GPR152: variants seen among roughly 807,000 people sequenced by gnomAD.
GPR152 encodes G protein-coupled receptor 152.
For missense variants in GPR152, 549 were observed against 617.2 expected, an observed-to-expected ratio of 0.89 and a Z score of 1.17; for synonymous variants, 278 against 289.0, an observed-to-expected ratio of 0.96 and a Z score of 0.39.
chr11:67,451,936 G>A lies in GPR152; in HGVS notation c.789C>T (p.Phe263=). Reference sequence around the variant, plus strand: ...GGTAGCCAGAGTAGACGTCCCACAGGAAGGCCAGGTAGAGCAGCTGGGCCA... The same window carrying A: ...GGTAGCCAGAGTAGACGTCCCACAGAAAGGCCAGGTAGAGCAGCTGGGCCA... ...YQLAQLLYLA[F]LWDVYSGYLL... Residue 263 remains phenylalanine, a synonymous_variant, in exon 1 of 1, where the codon TTC becomes TTT. Coordinates refer to ENST00000312457, the MANE Select transcript of GPR152 (RefSeq NM_206997.1). 2 of 1,610,412 alleles carry A rather than the reference G, an allele frequency of 1.2e-6. No individual in the cohort carries two copies. Among genetic ancestry groups the A allele is most frequent in the Non-Finnish European group, 1.7e-6 (2 of 1,180,006 alleles).
In GPR152 at chr11:67,452,217, G is replaced by C; in HGVS notation, c.508C>G (p.Pro170Ala). The C allele has an allele frequency of 1.2e-6, 2 of 1,608,672 alleles. No individual in the cohort carries two copies. Among genetic ancestry groups the C allele is most frequent in the Non-Finnish European group, 1.7e-6 (2 of 1,179,930 alleles). The change falls in exon 1 of 1, where the codon CCC becomes GCC. Residue 170 changes from proline (P) to alanine (A), a missense_variant. Physicochemically the swap from Pro to Ala is conservative, Grantham distance 27 (BLOSUM62 -1). Coordinates refer to ENST00000312457, the MANE Select transcript of GPR152 (RefSeq NM_206997.1). ...TCGTACCACCAGACGGCAGCCTCGG[G>C]GAAGACCAGCCAGGGCACGCTGAAG... ...TLFSVPWLVFPEAAVWWYDLV... is the reference protein window; with the variant it reads ...TLFSVPWLVFAEAAVWWYDLV...
rs1232779973 is a variant in GPR152 at position 67,452,150 on chromosome 11, G to A, written c.575C>T (p.Ser192Leu). 6 of 1,610,466 alleles carry A rather than the reference G, an allele frequency of 3.7e-6. No individual in the cohort carries two copies. Among genetic ancestry groups the A allele is most frequent in the African/African-American group, 2.7e-5 (2 of 74,926 alleles). ...CLDFWDSEELSLRMLEVLGGF... is the reference protein window; with the variant it reads ...CLDFWDSEELLLRMLEVLGGF... ...CCCCAGGACCTCCAGCATCCTCAGC[G>A]ACAGCTCCTCGCTGTCCCAGAAGTC... The change falls in exon 1 of 1, where the codon TCG becomes TTG. Residue 192 changes from serine to leucine, a missense_variant. Transcript: ENST00000312457.
rs765881512 is a variant in GPR152, at chr11:67,451,876, C to G, written c.849G>C (p.Leu283=). 23 of 1,612,582 alleles carry G rather than the reference C, an allele frequency of 1.4e-5. No individual in the cohort carries two copies. The highest frequency in any genetic ancestry group is 1.2e-4 in the Admixed American group (7 of 60,010). Residue 283 remains leucine (L), a synonymous_variant, in exon 1 of 1, where the codon CTG becomes CTC. Transcript: ENST00000312457. ...GGCTGAGGCAGCTGTTGAGTAGGAT[C>G]AGGTAGTCGGAGTAGACCAGGGCCT... ...LWEALVYSDY[L]ILLNSCLSPF... is the part of the protein sequence containing the mutation.
In GPR152 at chr11:67,452,508, G is replaced by A. The variant is rs776802443; in HGVS notation, c.217C>T (p.Leu73=). 2 of 1,610,074 alleles carry A rather than the reference G, an allele frequency of 1.2e-6. No homozygotes were observed. The highest frequency in any genetic ancestry group is 8.5e-7 in the Non-Finnish European group (1 of 1,178,644). ...GTRLALLLLS[L]ALSDFLFLAA... ...AGGAACAAGAAGTCAGAGAGGGCCA[G>A]GCTGAGCAGGAGCAGCGCCAGACGC... Residue 73 remains leucine, a synonymous_variant, in exon 1 of 1, where the codon CTG becomes TTG. Transcript: ENST00000312457.
Position 67,452,319 on chromosome 11 carries a change from G to A in GPR152, c.406C>T (p.Pro136Ser). The A allele has an allele frequency of 1.9e-6, 3 of 1,610,706 alleles. No homozygotes were observed. The highest frequency in any genetic ancestry group is 2.5e-6 in the Non-Finnish European group (3 of 1,179,650). ...GGGCGGTGCCCAGGGTACCAGTGTG[G>A]GCACAGCGCCAGCAGGCAGCGGTCG... ...SLDRCLLALC[P>S]HWYPGHRPVR... Residue 136 changes from proline to serine, a missense_variant, in exon 1 of 1, where the codon CCA (proline) becomes TCA (serine). Transcript: ENST00000312457.
At position 67,452,004 on chromosome 11, in the gene GPR152, TC is replaced by T. The variant is rs1565157397; in HGVS notation, c.720del (p.Thr241ProfsTer9). 1 of 1,611,880 alleles carries T rather than the reference TC, an allele frequency of 6.2e-7. No individual in the cohort carries two copies. The highest frequency in any genetic ancestry group is 1.1e-5 in the South Asian group (1 of 91,086). On this transcript the variant is annotated frameshift_variant, in exon 1 of 1. Coordinates refer to ENST00000312457, the MANE Select transcript of GPR152 (RefSeq NM_206997.1). LOFTEE classifies it low-confidence loss of function (END_TRUNC). ...AACRGFARVA[R>X]TILSAYVVLR... is the part of the protein sequence containing the mutation. ...AGGACCACATAGGCTGACAGAATGG[TC>T]CTGGCCACACGGGCGAAGCCCCGGC... is the stretch of plus-strand genomic sequence containing the variant.
chr11:67,452,314 G>A lies in GPR152; in HGVS notation c.411C>T (p.His137=), dbSNP rs770786693. Reference sequence around the variant, plus strand: ...GGACTGGGCGGTGCCCAGGGTACCAGTGTGGGCACAGCGCCAGCAGGCAGC... The same window carrying A: ...GGACTGGGCGGTGCCCAGGGTACCAATGTGGGCACAGCGCCAGCAGGCAGC... The part of the protein sequence containing the change: ...LDRCLLALCP[H]WYPGHRPVRL... The change falls in exon 1 of 1, where the codon CAC becomes CAT. Residue 137 remains histidine, a synonymous_variant. Transcript: ENST00000312457. The A allele has an allele frequency of 1.8e-5, 29 of 1,610,698 alleles. No individual in the cohort carries two copies. The highest frequency in any genetic ancestry group is 3.3e-5 in the Admixed American group (2 of 59,928).
In GPR152 at chr11:67,452,229, A is replaced by G; in HGVS notation, c.496T>C (p.Trp166Arg). The G allele has an allele frequency of 6.2e-7, 1 of 1,609,230 alleles. No individual in the cohort carries two copies. Among genetic ancestry groups the G allele is most frequent in the Non-Finnish European group, 8.5e-7 (1 of 1,179,928 alleles). Residue 166 changes from tryptophan (W) to arginine (R), a missense_variant, in exon 1 of 1, where the codon TGG becomes CGG. Physicochemically the swap from Trp to Arg is moderately radical, Grantham distance 101. Transcript: ENST00000312457. ...WVLATLFSVP[W>R]LVFPEAAVWW... is the part of the protein sequence containing the mutation. ...ACGGCAGCCTCGGGGAAGACCAGCC[A>G]GGGCACGCTGAAGAGTGTGGCCAGC...
In GPR152 at chr11:67,451,745, G is replaced by C. The variant is rs1378479975; in HGVS notation, c.980C>G (p.Pro327Arg). Reference sequence around the variant, plus strand: ...ATCTAGCTGGGTCTGTGGCTCAGTGGGCGTGAAGCTGCCCGGCCGCTCCTC... The same window carrying C: ...ATCTAGCTGGGTCTGTGGCTCAGTGCGCGTGAAGCTGCCCGGCCGCTCCTC... ...LCEERPGSFT[P>R]TEPQTQLDSE... Residue 327 changes from proline (P) to arginine (R), a missense_variant, in exon 1 of 1, where the codon CCC becomes CGC. Pro to Arg is a moderately radical substitution (Grantham distance 103, BLOSUM62 -2). Coordinates refer to ENST00000312457, the MANE Select transcript of GPR152 (RefSeq NM_206997.1). The C allele has an allele frequency of 6.2e-7, 1 of 1,613,570 alleles. No individual in the cohort carries two copies. Among genetic ancestry groups the C allele is most frequent in the South Asian group, 1.1e-5 (1 of 91,086 alleles).
rs972381021 is a variant in GPR152, at chr11:67,452,037, C to T, written c.688G>A (p.Ala230Thr). ...ACACGGGCGAAGCCCCGGCAGGCTG[C>T]GGGCTGCTGTTGGCGGTGGCAGGTG... ...CRTCHRQQQP[A>T]ACRGFARVAR... is the part of the protein sequence containing the mutation. Residue 230 changes from alanine (A) to threonine (T), a missense_variant, in exon 1 of 1, where the codon GCA (alanine) becomes ACA (threonine). Ala to Thr is a moderately conservative substitution (Grantham distance 58). Coordinates refer to ENST00000312457, the MANE Select transcript of GPR152 (RefSeq NM_206997.1). The T allele has an allele frequency of 1.3e-5, 21 of 1,612,160 alleles. No homozygotes were observed. The highest frequency in any genetic ancestry group is 1.1e-4 in the East Asian group (5 of 44,894).
At position 67,452,054 on chromosome 11, in the gene GPR152, T is replaced by A. The variant is rs376957888; in HGVS notation, c.671A>T (p.His224Leu). 6.2e-6 allele frequency: 10 copies of A among 1,612,134 alleles called. No individual in the cohort carries two copies. The highest frequency in any genetic ancestry group is 8.5e-6 in the Non-Finnish European group (10 of 1,179,804). Residue 224 changes from histidine (H) to leucine (L), a missense_variant, in exon 1 of 1, where the codon CAC (histidine) becomes CTC (leucine). Coordinates refer to ENST00000312457, the MANE Select transcript of GPR152 (RefSeq NM_206997.1). ...LTQATACRTCHRQQQPAACRG... is the reference protein window; with the variant it reads ...LTQATACRTCLRQQQPAACRG... ...GCAGGCTGCGGGCTGCTGTTGGCGG[T>A]GGCAGGTGCGACAGGCTGTGGCCTG... is the stretch of plus-strand genomic sequence containing the variant.
rs1416150761 is a variant in GPR152, at chr11:67,452,069, GC to G, written c.655del (p.Ala219ProfsTer31). ...CTGTTGGCGGTGGCAGGTGCGACAG[GC>G]TGTGGCCTGGGTGAGCACGTGGCAG... is the stretch of plus-strand genomic sequence containing the variant. ...LVCHVLTQAT[A>X]CRTCHRQQQP... On this transcript the variant is annotated frameshift_variant, in exon 1 of 1. Coordinates refer to ENST00000312457, the MANE Select transcript of GPR152 (RefSeq NM_206997.1). LOFTEE classifies it low-confidence loss of function (END_TRUNC). 1.2e-6 allele frequency: 2 copies of G among 1,612,202 alleles called. No homozygotes were observed. The highest frequency in any genetic ancestry group is 2.7e-5 in the African/African-American group (2 of 74,924).
Position 67,451,404 on chromosome 11 carries a change from C to T in GPR152, c.1321G>A (p.Ala441Thr), listed in dbSNP as rs142993445. The T allele has an allele frequency of 1.4e-5, 23 of 1,613,204 alleles. No individual in the cohort carries two copies. The African/African-American group carries it at 2.3e-4, about 16-fold the overall frequency. ...GGAGGTGTGGCTGGGTCCTCAAGGG[C>T]CCCTGGGGTAGGATGCGAGGATGGG... ...PTPSSHPTPGALEDPATPPAS... is the reference protein window; with the variant it reads ...PTPSSHPTPGTLEDPATPPAS... Residue 441 changes from alanine (A) to threonine (T), a missense_variant, in exon 1 of 1, where the codon GCC (alanine) becomes ACC (threonine). Coordinates refer to ENST00000312457, the MANE Select transcript of GPR152 (RefSeq NM_206997.1).
At position 67,452,269 on chromosome 11, in the gene GPR152, G is replaced by A. The variant is rs757544766; in HGVS notation, c.456C>T (p.Cys152=). Reference sequence around the variant, plus strand: ...GTGTGGCCAGCACCCAGACACCGGCGCAGACCCAGAGGGGCAGGCGGACTG... The same window carrying A: ...GTGTGGCCAGCACCCAGACACCGGCACAGACCCAGAGGGGCAGGCGGACTG... ...HRPVRLPLWV[C]AGVWVLATLF... The change falls in exon 1 of 1, where the codon TGC becomes TGT. Residue 152 remains cysteine (C), a synonymous_variant. Coordinates refer to ENST00000312457, the MANE Select transcript of GPR152 (RefSeq NM_206997.1). 1.4e-5 allele frequency: 22 copies of A among 1,610,840 alleles called. No individual in the cohort carries two copies. The highest frequency in any genetic ancestry group is 3.3e-4 in the Middle Eastern group (2 of 6,084).
chr11:67,451,491 C>G lies in GPR152; in HGVS notation c.1234G>C (p.Val412Leu). The change falls in exon 1 of 1, where the codon GTC (valine) becomes CTC (leucine). Residue 412 changes from valine (V) to leucine (L), a missense_variant. Val to Leu is a conservative substitution (Grantham distance 32). Coordinates refer to ENST00000312457, the MANE Select transcript of GPR152 (RefSeq NM_206997.1). ...SVAQPQADTN[V>L]QTPAPAASSV... ...CTGGCAGCAGGTGCAGGGGTCTGGA[C>G]GTTAGTGTCTGCCTGTGGCTGGGCC... 6.2e-7 allele frequency: 1 copy of G among 1,614,158 alleles called. No individual in the cohort carries two copies. Among genetic ancestry groups the G allele is most frequent in the Non-Finnish European group, 8.5e-7 (1 of 1,180,028 alleles).
At position 67,452,569 on chromosome 11, in the gene GPR152, C is replaced by CCACG. The variant is rs1375767973; in HGVS notation, c.152_155dup (p.Trp52CysfsTer27). The stretch of plus-strand genomic sequence containing the variant: ...CATGCCGGGCCTGGGAGCCGGCCAG[C>CCACG]CACGCCATCAACCCATTGGCTGGCA... On this transcript the variant is annotated frameshift_variant, in exon 1 of 1. Coordinates refer to ENST00000312457, the MANE Select transcript of GPR152 (RefSeq NM_206997.1). LOFTEE classifies it low-confidence loss of function (END_TRUNC). 1 of 1,609,296 alleles carries CCACG rather than the reference C, an allele frequency of 6.2e-7. No homozygotes were observed. The highest frequency in any genetic ancestry group is 8.5e-7 in the Non-Finnish European group (1 of 1,178,152).
In GPR152 at chr11:67,451,861, G is replaced by A. The variant is rs1327165126; in HGVS notation, c.864C>T (p.Ser288=). ...VYSDYLILLN[S]CLSPFLCLMA... ...TGAGGCAGAGGAAGGGGCTGAGGCA[G>A]CTGTTGAGTAGGATCAGGTAGTCGG... is the stretch of plus-strand genomic sequence containing the variant. Residue 288 remains serine, a synonymous_variant, in exon 1 of 1, where the codon AGC becomes AGT. Transcript: ENST00000312457. 1.9e-6 allele frequency: 3 copies of A among 1,613,044 alleles called. No individual in the cohort carries two copies. Among genetic ancestry groups the A allele is most frequent in the Non-Finnish European group, 2.5e-6 (3 of 1,179,988 alleles).
rs776193683 is a variant in GPR152 at position 67,452,038 on chromosome 11, G to C, written c.687C>G (p.Pro229=). ...CACGGGCGAAGCCCCGGCAGGCTGC[G>C]GGCTGCTGTTGGCGGTGGCAGGTGC... is the stretch of plus-strand genomic sequence containing the variant. The part of the protein sequence containing the change: ...ACRTCHRQQQ[P]AACRGFARVA... The change falls in exon 1 of 1, where the codon CCC becomes CCG. Residue 229 remains proline (P), a synonymous_variant. Coordinates refer to ENST00000312457, the MANE Select transcript of GPR152 (RefSeq NM_206997.1). 4 of 1,612,236 alleles carry C rather than the reference G, an allele frequency of 2.5e-6. No individual in the cohort carries two copies. The highest frequency in any genetic ancestry group is 2.2e-5 in the East Asian group (1 of 44,888).
In GPR152 at chr11:67,451,357, G is replaced by C; in HGVS notation, c.1368C>G (p.Pro456=). Reference sequence around the variant, plus strand: ...GGGCCGCCTCTGGCGGGGTGCTGCTGGGGCTTTCTCCTTCAGAGGCAGGAG... The same window carrying C: ...GGGCCGCCTCTGGCGGGGTGCTGCTCGGGCTTTCTCCTTCAGAGGCAGGAG... ...ATPPASEGES[P]SSTPPEAAPG... Residue 456 remains proline, a synonymous_variant, in exon 1 of 1, where the codon CCC becomes CCG. Transcript: ENST00000312457. The C allele has an allele frequency of 6.2e-7, 1 of 1,604,756 alleles. No individual in the cohort carries two copies. Among genetic ancestry groups the C allele is most frequent in the Non-Finnish European group, 8.5e-7 (1 of 1,174,634 alleles).
Sources: allele counts gnomAD v4.1 joint callset, GRCh38; gene constraint gnomAD v4.1.1; transcripts MANE v1.5; gene names NCBI Gene and HGNC (gene_info 2026-07-23, HGNC 2026-07-21).